COL15A1: variants seen among roughly 807,000 people sequenced by gnomAD.
COL15A1 encodes collagen alpha-1(XV) chain.
Under a neutral mutation model 165.9 loss-of-function variants are expected in COL15A1, and 111 were observed. That is an observed-to-expected ratio of 0.67 (90% CI 0.57 to 0.78). The LOEUF is 0.78. COL15A1 is among the 30% of genes least tolerant of loss of function. The probability of loss-of-function intolerance (pLI) is 0.00; values close to 1 mark genes in which losing one functional copy is unlikely to be tolerated. For synonymous variants in COL15A1, 659 were observed against 674.8 expected (o/e 0.98, Z 0.36); for missense variants, 1,745 against 1,789.7 (o/e 0.98, Z 0.45).
At chr9:98,991,655 G>T (rs948509946) in intron 5 of COL15A1, among the ~76,000 whole-genome samples, 1 of 152,050 alleles carries the variant, frequency 6.6e-6, no homozygotes, top group Non-Finnish European at 1.5e-5. Flanking sequence ...ACAGAGTGCC[G>T]ATTGATGCAT....
chr9:99,001,099 AG>A, intron 7 of COL15A1, 148 bp downstream of exon 7: 2 of 633,852 alleles, frequency 3.2e-6, no homozygotes, highest in Non-Finnish European at 5.6e-6. Context: ...CATGGTACAG[AG>A]GAGGTCAGAG....
chr9:98,947,268 C>T (rs558914393), intron 2 of COL15A1, among the ~76,000 whole-genome samples: 2 of 151,984 alleles, frequency 1.3e-5, no homozygotes, highest in Admixed American at 6.6e-5. Context: ...AACCTTAATA[C>T]CATTAAGCTA....
chr9:98,958,480 C>T (rs1837813967), intron 2 of COL15A1, among the ~76,000 whole-genome samples: 1 of 152,078 alleles, frequency 6.6e-6, no homozygotes, highest in Non-Finnish European at 1.5e-5. Context: ...AGTTAAAATG[C>T]CAAATTACTC....
At chr9:99,048,666 A>G (rs1839534039) in intron 28 of COL15A1, among the ~76,000 whole-genome samples, 1 of 150,034 alleles carries the variant, frequency 6.7e-6, no homozygotes, top group Admixed American at 6.6e-5. Context: ...AGCATTAGGT[A>G]TATCTTCTAA....
At chr9:98,994,537 G>A (rs1319826697) in intron 5 of COL15A1, among the ~76,000 whole-genome samples, 1 of 152,060 alleles carries the variant, frequency 6.6e-6, no homozygotes, top group African/African-American at 2.4e-5. Context: ...GCATCACTCC[G>A]AATCATGGTT....
At chr9:99,054,793 A>G in intron 32 of COL15A1, 137 bp downstream of exon 32, 1 of 957,808 alleles carries the variant, frequency 1.0e-6, no homozygotes, top group Non-Finnish European at 1.5e-6. Context: ...GTTTCTAGTG[A>G]AAACCAAGCA....
intron 2 of COL15A1, among the ~76,000 whole-genome samples, chr9:98,972,430 C>T (rs1001355835): frequency 2.0e-5 from 3 of 152,214 alleles, no homozygotes; most frequent in Non-Finnish European, 4.4e-5. Context: ...CCTACCTTAC[C>T]TAGTCCCATT....
chr9:98,974,177 A>G (rs1035869817), intron 2 of COL15A1, among the ~76,000 whole-genome samples: 4 of 152,318 alleles, frequency 2.6e-5, no homozygotes, highest in Admixed American at 2.0e-4. Context: ...AGGACTTCCG[A>G]AGACTTCGAA....
intron 2 of COL15A1, among the ~76,000 whole-genome samples, chr9:98,960,180 G>C (rs550912588): frequency 7.6e-6 from 1 of 131,754 alleles, no homozygotes; most frequent in African/African-American, 2.7e-5. Context: ...GGCCAAGGTA[G>C]GGTGATTGCT....
chr9:98,948,264 G>C (rs1427141100), intron 2 of COL15A1, among the ~76,000 whole-genome samples: 4 of 152,006 alleles, frequency 2.6e-5, no homozygotes, highest in Non-Finnish European at 4.4e-5. Context: ...AGAATGTCCT[G>C]TGTGCAGCCA....
At chr9:99,038,138 C>T (rs1167610482) in intron 21 of COL15A1, among the ~76,000 whole-genome samples, 1 of 148,250 alleles carries the variant, frequency 6.7e-6, no homozygotes, top group Non-Finnish European at 1.5e-5. Context: ...TTTTAAAAAT[C>T]AAATATGTGT....
chr9:99,020,482 G>C (rs1463963697), intron 12 of COL15A1, 40 bp downstream of exon 12: 1 of 1,411,356 alleles, frequency 7.1e-7, no homozygotes, highest in East Asian at 2.3e-5. Flanking sequence ...TTTGGCTCCT[G>C]ATCAAGTGTC....
intron 11 of COL15A1, 110 bp downstream of exon 11, chr9:99,016,229 T>C (rs1838933345): frequency 2.2e-6 from 3 of 1,380,482 alleles, no homozygotes; most frequent in Non-Finnish European, 2.9e-6. Context: ...AGGTAGGTTT[T>C]CATGTTGGTT....
chr9:99,018,951 A>AT (rs1213898033), intron 11 of COL15A1, among the ~76,000 whole-genome samples: 2 of 152,240 alleles, frequency 1.3e-5, no homozygotes, highest in East Asian at 3.9e-4. Flanking sequence ...TTTATGATAG[A>AT]TTTTTTAAAG....
intron 6 of COL15A1, among the ~76,000 whole-genome samples, chr9:98,999,717 G>A (rs866262385): frequency 3.3e-4 from 50 of 151,648 alleles, no homozygotes; most frequent in African/African-American, 9.4e-4. Flanking sequence ...ATGGGGTCTC[G>A]CTATGTTGCC....
Position 98,989,271 on chromosome 9 carries a change from A to G in COL15A1, c.804+13A>G, listed in dbSNP as rs1838375258. Reference sequence around the variant, plus strand: ...CACTCAAGCCTCGGTGAGTACTGGGATGCTGTGCCATGTGATCTTGCTCAG... The same window carrying G: ...CACTCAAGCCTCGGTGAGTACTGGGGTGCTGTGCCATGTGATCTTGCTCAG... On this transcript the variant is annotated intron_variant, in intron 5 of 41. Coordinates refer to ENST00000375001, the MANE Select transcript of COL15A1 (RefSeq NM_001855.5). The G allele has an allele frequency of 1.9e-6, 3 of 1,600,046 alleles. No homozygotes were observed. Among genetic ancestry groups the G allele is most frequent in the Non-Finnish European group, 2.6e-6 (3 of 1,168,214 alleles).
Position 99,049,773 on chromosome 9 carries a change from A to G in COL15A1, c.2862+15A>G. ...ACATCAAAGGAGTAAGTTGGCACGCAGTGGGAAGACCTTCCCGATTGGCCT... is the reference window on the plus strand; with the variant it reads ...ACATCAAAGGAGTAAGTTGGCACGCGGTGGGAAGACCTTCCCGATTGGCCT... On this transcript the variant is annotated intron_variant, in intron 29 of 41. Coordinates refer to ENST00000375001, the MANE Select transcript of COL15A1 (RefSeq NM_001855.5). 6.2e-7 allele frequency: 1 copy of G among 1,614,252 alleles called. No homozygotes were observed. The highest frequency in any genetic ancestry group is 8.5e-7 in the Non-Finnish European group (1 of 1,180,044).
At chr9:99,038,096 T>C (rs1444739744) in intron 21 of COL15A1, among the ~76,000 whole-genome samples, 1 of 151,650 alleles carries the variant, frequency 6.6e-6, no homozygotes, top group Admixed American at 6.6e-5. Flanking sequence ...GGAAAAAGGA[T>C]GACTAAAGTT....
intron 2 of COL15A1, 141 bp from the exon 3 acceptor site, chr9:98,985,424 T>C: frequency 1.2e-6 from 1 of 835,204 alleles, no homozygotes; most frequent in Non-Finnish European, 1.8e-6. Flanking sequence ...TGTCAAAACG[T>C]TTGAAAAACA....
Sources: allele counts gnomAD v4.1 joint callset (sites outside exome capture counted in the v4.1 genomes callset), GRCh38; gene constraint gnomAD v4.1.1; transcripts MANE v1.5; gene names NCBI Gene and HGNC (gene_info 2026-07-23, HGNC 2026-07-21).